Variants in KANSL1 observed in about 807,000 individuals in gnomAD.
The protein encoded by KANSL1 is KAT8 regulatory NSL complex subunit 1, also known as MLL1/MLL complex subunit KANSL1.
KANSL1 carries 22 observed loss-of-function variants against 103.6 expected under a neutral mutation model. The observed-to-expected ratio is 0.21, with a 90% CI of 0.15 to 0.30. The LOEUF (loss-of-function observed/expected upper bound fraction) is 0.30. KANSL1 is among the 10% of genes least tolerant of loss of function. The probability of loss-of-function intolerance (pLI) is 1.00; values close to 1 mark genes in which losing one functional copy is unlikely to be tolerated. For synonymous variants in KANSL1, 600 were observed against 527.6 expected, an observed-to-expected ratio of 1.14 and a Z score of -1.88; for missense variants, 1,337 against 1,399.8, an observed-to-expected ratio of 0.96 and a Z score of 0.72.
intron 1 of KANSL1, among the ~76,000 whole-genome samples, chr17:46,173,818 C>A (rs1248508604): frequency 6.6e-6 from 1 of 152,110 alleles, no homozygotes; most frequent in Non-Finnish European, 1.5e-5. Flanking sequence ...TTATCTTGAG[C>A]CTTTAGTGCA....
intron 2 of KANSL1, among the ~76,000 whole-genome samples, chr17:46,127,793 T>C (rs2043648232): frequency 6.6e-6 from 1 of 151,892 alleles, no homozygotes; most frequent in Non-Finnish European, 1.5e-5. Context: ...AAAAAAAAGT[T>C]AAATGCTGAT....
chr17:46,188,722 T>G (rs1190441273), intron 1 of KANSL1, among the ~76,000 whole-genome samples: 1 of 152,052 alleles, frequency 6.6e-6, no homozygotes, highest in Non-Finnish European at 1.5e-5. Flanking sequence ...GAAAGCTGCT[T>G]TAAAACTCTA....
At chr17:46,164,513 T>C (rs1034851225) in intron 2 of KANSL1, among the ~76,000 whole-genome samples, 2 of 152,278 alleles carry the variant, frequency 1.3e-5, no homozygotes, top group Non-Finnish European at 2.9e-5. Context: ...TCTGTAAGAA[T>C]ACAATGAAAT....
At chr17:46,078,929 T>C (rs2078887138) in intron 4 of KANSL1, among the ~76,000 whole-genome samples, 1 of 152,186 alleles carries the variant, frequency 6.6e-6, no homozygotes, top group Admixed American at 6.5e-5. Flanking sequence ...ACACACGACT[T>C]ATCGGCAGCT....
intron 1 of KANSL1, among the ~76,000 whole-genome samples, chr17:46,217,999 C>G (rs2048395126): frequency 6.6e-6 from 1 of 152,216 alleles, no homozygotes; most frequent in Non-Finnish European, 1.5e-5. Flanking sequence ...GCACTCCAGC[C>G]TGGGCAACAG....
chr17:46,139,833 G>A (rs1404021003), intron 2 of KANSL1, among the ~76,000 whole-genome samples: 1 of 152,096 alleles, frequency 6.6e-6, no homozygotes, highest in Non-Finnish European at 1.5e-5. Flanking sequence ...CTTAAAAAAA[G>A]AGGAAGGAAT....
intron 2 of KANSL1, among the ~76,000 whole-genome samples, chr17:46,109,220 T>C (rs962327447): frequency 6.6e-6 from 1 of 152,170 alleles, no homozygotes. Flanking sequence ...AATGTTGGGA[T>C]TACAGGTGTG....
chr17:46,172,179 A>C lies in KANSL1; in HGVS notation c.-36T>G, dbSNP rs768508296. The C allele has an allele frequency of 6.4e-6, 10 of 1,574,610 alleles. No homozygotes were observed. The Admixed American group carries it at 1.7e-4, about 27-fold the overall frequency. Reference sequence around the variant, plus strand: ...GAGACAGGAAGTCCAGCCTCTCCCGATGCCGAGGCCGAGGCCAGCTCCACG... The same window carrying C: ...GAGACAGGAAGTCCAGCCTCTCCCGCTGCCGAGGCCGAGGCCAGCTCCACG... On this transcript the variant is annotated 5_prime_UTR_variant, in exon 2 of 15. Coordinates refer to ENST00000432791, the MANE Select transcript of KANSL1 (RefSeq NM_015443.4).
chr17:46,186,171 C>T (rs886237549), intron 1 of KANSL1, among the ~76,000 whole-genome samples: 2 of 150,520 alleles, frequency 1.3e-5, no homozygotes, highest in Non-Finnish European at 2.9e-5. Context: ...GTCAGGAGAT[C>T]GAGACCATCC....
rs1305420542 is a variant in KANSL1, at chr17:46,073,548, A to G, written c.1534-5881T>C. 3.9e-5 allele frequency among the ~76,000 whole-genome samples: 6 copies of G among 152,206 alleles called. No individual in the cohort carries two copies. The East Asian group carries it at 1.2e-3, about 29-fold the overall frequency. ...AAACGTACTGAAATTGCTAACCTAC[A>G]GGACGTTGAGTGAGAAAAGGATATA... is the stretch of plus-strand genomic sequence containing the variant. On this transcript the variant is annotated intron_variant, in intron 4 of 14. Coordinates refer to ENST00000432791, the MANE Select transcript of KANSL1 (RefSeq NM_015443.4).
intron 7 of KANSL1, 44 bp from the exon 8 acceptor site, chr17:46,039,928 C>G (rs1246029975): frequency 1.3e-6 from 2 of 1,577,828 alleles, no homozygotes; most frequent in Admixed American, 3.4e-5. Flanking sequence ...AAACACCTGG[C>G]CTCTCTAGTG....
In KANSL1 at chr17:46,213,684, G is replaced by A. The variant is rs112686604; in HGVS notation, c.-90+9987C>T. 1.9e-3 allele frequency among the ~76,000 whole-genome samples: 296 copies of A among 151,796 alleles called. 4 individuals are homozygous for A. Among genetic ancestry groups the A allele is most frequent in the African/African-American group, 6.9e-3 (287 of 41,374 alleles). The stretch of plus-strand genomic sequence containing the variant: ...GTAATCCCAGTACTTTGTGGAGGCC[G>A]AGGTGGGTGGATCACCTGAGGTCAG... On this transcript the variant is annotated intron_variant, in intron 1 of 14. Transcript: ENST00000572904.
intron 1 of KANSL1, among the ~76,000 whole-genome samples, chr17:46,204,169 C>T (rs1036158898): frequency 2.0e-5 from 3 of 152,068 alleles, no homozygotes; most frequent in African/African-American, 7.3e-5. Flanking sequence ...CAAACATAAA[C>T]AAAAAGGCCG....
intron 2 of KANSL1, 169 bp downstream of exon 2, chr17:46,170,686 C>G: frequency 1.4e-6 from 1 of 726,674 alleles, no homozygotes; most frequent in East Asian, 2.6e-5. Context: ...GTATCTTCCC[C>G]TTCTTCACTA....
chr17:46,095,391 A>T (rs2042017726), intron 2 of KANSL1, among the ~76,000 whole-genome samples: 1 of 152,228 alleles, frequency 6.6e-6, no homozygotes, highest in Admixed American at 6.5e-5. Context: ...GCATGATGCA[A>T]ATACACATTA....
chr17:46,167,962 G>C (rs2046087596), intron 2 of KANSL1, among the ~76,000 whole-genome samples: 1 of 152,312 alleles, frequency 6.6e-6, no homozygotes, highest in South Asian at 2.1e-4. Context: ...CATTCCAACA[G>C]TCTCCTCTAC....
chr17:46,057,635 T>A (rs2077980989), intron 6 of KANSL1, among the ~76,000 whole-genome samples: 1 of 152,146 alleles, frequency 6.6e-6, no homozygotes, highest in African/African-American at 2.4e-5. Flanking sequence ...AAACTGGACT[T>A]ATTCACGTTT....
In KANSL1 at chr17:46,103,907, A is replaced by G. The variant is rs143279240; in HGVS notation, c.1290-9206T>C. Reference sequence around the variant, plus strand: ...GCCAGGCGTGGTGGCCTGGGCCTGTAGTTCCAGCTGCACGGGAGGCTGAGG... The same window carrying G: ...GCCAGGCGTGGTGGCCTGGGCCTGTGGTTCCAGCTGCACGGGAGGCTGAGG... On this transcript the variant is annotated intron_variant, in intron 2 of 14. Transcript: ENST00000432791. Among the ~76,000 whole-genome samples, 842 of 152,308 alleles carry G rather than the reference A, an allele frequency of 5.5e-3. 4 individuals carry two copies. Among genetic ancestry groups the G allele is most frequent in the Non-Finnish European group, 8.5e-3 (577 of 68,040 alleles).
intron 1 of KANSL1, among the ~76,000 whole-genome samples, chr17:46,192,135 C>T (rs541471640): frequency 6.6e-6 from 1 of 152,196 alleles, no homozygotes; most frequent in Admixed American, 6.5e-5. Flanking sequence ...ATTGGGATTC[C>T]AACATTGGAA....
Sources: gnomAD v4.1 joint callset for allele counts (sites outside exome capture counted in the v4.1 genomes callset) on GRCh38, gnomAD v4.1.1 for gene constraint, MANE v1.5 for transcripts, NCBI Gene and HGNC (gene_info 2026-07-23, HGNC 2026-07-21) for gene names.